The following AGPAT4 variants were observed in gnomAD, a reference collection of about 807,000 sequenced individuals.
AGPAT4 encodes the protein 1-acyl-sn-glycerol-3-phosphate acyltransferase delta.
Under a neutral mutation model 48.0 loss-of-function variants are expected in AGPAT4, and 15 were observed. The ratio of observed to expected loss-of-function variants is 0.31; its 90% CI spans 0.21 to 0.48. AGPAT4 has a LOEUF of 0.48. AGPAT4 is among the 20% of genes least tolerant of loss of function. The probability of loss-of-function intolerance (pLI) is 0.99; values close to 1 mark genes in which losing one functional copy is unlikely to be tolerated. For synonymous variants in AGPAT4, 178 were observed against 198.7 expected, an observed-to-expected ratio of 0.90 and a Z score of 0.88; for missense variants, 314 against 482.5, an observed-to-expected ratio of 0.65 and a Z score of 3.27.
At chr6:161,175,401 A>T (rs1226239298) in intron 2 of AGPAT4, among the ~76,000 whole-genome samples, 1 of 152,162 alleles carries the variant, frequency 6.6e-6, no homozygotes, top group Non-Finnish European at 1.5e-5. Flanking sequence ...CCAGGAATTC[A>T]TCCATTTCTT....
chr6:161,219,924 A>AGGCAGGCAGGC lies in AGPAT4; in HGVS notation c.178+12101_178+12111dup, dbSNP rs1781782694. Among the ~76,000 whole-genome samples, 1 of 121,608 alleles carries AGGCAGGCAGGC rather than the reference A, an allele frequency of 8.2e-6. No individual in the cohort carries two copies. The highest frequency in any genetic ancestry group is 2.3e-4 in the East Asian group (1 of 4,388). 79.8% of individuals were successfully genotyped at this position (121,608 alleles called of 152,430 possible). A position where few individuals can be genotyped will look rare whatever the true frequency, so the allele number is the denominator to read the frequency against. On this transcript the variant is annotated intron_variant, in intron 2 of 8. Coordinates refer to ENST00000320285, the MANE Select transcript of AGPAT4 (RefSeq NM_020133.3). This position sits in a 1 kb window ranked among gnomAD's most constrained non-coding sequence, Gnocchi z 4.9. ...GCAGGCAGGCAGGCAGGCGGCAGGCAGGCAGGCAGGCAGGCAGGCAGGCAG... is the reference window on the plus strand; with the variant it reads ...GCAGGCAGGCAGGCAGGCGGCAGGCAGGCAGGCAGGCGGCAGGCAGGCAGGCAGGCAGGCAG...
Position 161,274,046 on chromosome 6 carries a change from A to G in AGPAT4, c.-198T>C, listed in dbSNP as rs1423022617. 1 of 150,884 alleles carries G rather than the reference A, an allele frequency of 6.6e-6. No individual in the cohort carries two copies. The highest frequency in any genetic ancestry group is 1.5e-5 in the Non-Finnish European group (1 of 67,750). 9.3% of individuals were successfully genotyped at this position (150,884 alleles called of 1,614,324 possible). Reference sequence around the variant, plus strand: ...TTATAAGAGCTGTAAGTCAGCCAACACTGGAAAGAAAAAGCGAGACTCCAC... The same window carrying G: ...TTATAAGAGCTGTAAGTCAGCCAACGCTGGAAAGAAAAAGCGAGACTCCAC... On this transcript the variant is annotated 5_prime_UTR_variant, in exon 1 of 9. Transcript: ENST00000320285. This position sits in a 1 kb window ranked among gnomAD's most constrained non-coding sequence, Gnocchi z 4.5.
chr6:161,211,125 C>G (rs918604228), intron 2 of AGPAT4, among the ~76,000 whole-genome samples: 1 of 152,082 alleles, frequency 6.6e-6, no homozygotes, highest in Admixed American at 6.6e-5. Context: ...AACAGTGGTA[C>G]CATAACTTTA....
chr6:161,237,460 C>G (rs1055437462), intron 1 of AGPAT4, among the ~76,000 whole-genome samples: 2 of 152,086 alleles, frequency 1.3e-5, no homozygotes, highest in African/African-American at 4.8e-5. Flanking sequence ...CTGAGTCATT[C>G]GTATAAGGAT....
At chr6:161,258,606 T>C (rs1783006372) in intron 1 of AGPAT4, among the ~76,000 whole-genome samples, 2 of 152,088 alleles carry the variant, frequency 1.3e-5, no homozygotes, top group Admixed American at 1.3e-4. Context: ...AACTTCAGCT[T>C]TGGACTTCAC....
Position 161,238,635 on chromosome 6 carries a change from T to C in AGPAT4, c.-89-6333A>G, listed in dbSNP as rs1053304631. Among the ~76,000 whole-genome samples, 1 of 152,152 alleles carries C rather than the reference T, an allele frequency of 6.6e-6. No homozygotes were observed. Among genetic ancestry groups the C allele is most frequent in the Non-Finnish European group, 1.5e-5 (1 of 68,032 alleles). ...TTAACTATGTAATCTTCCCAAAGCG[T>C]GGGATGGAGATGAGGTGATAGGGTT... On this transcript the variant is annotated intron_variant, in intron 1 of 8. Transcript: ENST00000320285. The surrounding 1 kb of genome is among the most constrained non-coding windows in gnomAD (Gnocchi z 5.2).
At chr6:161,265,987 G>A (rs1783251169) in intron 1 of AGPAT4, among the ~76,000 whole-genome samples, 1 of 152,144 alleles carries the variant, frequency 6.6e-6, no homozygotes, top group African/African-American at 2.4e-5. Context: ...CTCAGAAATG[G>A]GTTTGCTTTG....
rs1406130890 is a variant in AGPAT4 at position 161,243,901 on chromosome 6, C to T, written c.-89-11599G>A. On this transcript the variant is annotated intron_variant, in intron 1 of 8. Transcript: ENST00000320285. This position sits in a 1 kb window ranked among gnomAD's most constrained non-coding sequence, Gnocchi z 4.8. ...TGACTCCTAAGATCCTCAAAGCCCA[C>T]TCACAAGTTTTAATGAAATGATTAT... Among the ~76,000 whole-genome samples the T allele has an allele frequency of 6.6e-6, 1 of 152,234 alleles. No individual in the cohort carries two copies. The highest frequency in any genetic ancestry group is 2.4e-5 in the African/African-American group (1 of 41,462).
intron 2 of AGPAT4, among the ~76,000 whole-genome samples, chr6:161,185,280 TG>T (rs1780735588): frequency 4.0e-5 from 6 of 148,454 alleles, no homozygotes; most frequent in African/African-American, 1.5e-4. Context: ...GTTTTTAAGA[TG>T]TCTTTTTTTT....
At chr6:161,182,797 A>G (rs1336961760) in intron 2 of AGPAT4, among the ~76,000 whole-genome samples, 1 of 152,186 alleles carries the variant, frequency 6.6e-6, no homozygotes, top group Non-Finnish European at 1.5e-5. Context: ...AACCCAGGAG[A>G]GGGACACTGG....
Position 161,246,547 on chromosome 6 carries a change from T to C in AGPAT4, c.-89-14245A>G, listed in dbSNP as rs750697977. ...GCCTCAGCCTCCCGAGTAGCTGGGA[T>C]TACAGGCATGCGCCACCACGCCCAG... On this transcript the variant is annotated intron_variant, in intron 1 of 8. Transcript: ENST00000320285. This position sits in a 1 kb window ranked among gnomAD's most constrained non-coding sequence, Gnocchi z 5.5. Among the ~76,000 whole-genome samples the C allele has an allele frequency of 1.9e-4, 29 of 152,058 alleles. No individual in the cohort carries two copies. The highest frequency in any genetic ancestry group is 3.1e-4 in the Non-Finnish European group (21 of 68,008).
rs1317836317 is a variant in AGPAT4 at position 161,215,226 on chromosome 6, C to T, written c.178+16810G>A. ...AACTTATGATCCTACTCTTCCATAA[C>T]TCATACACTGCATGTGTTGTAATCT... is the stretch of plus-strand genomic sequence containing the variant. On this transcript the variant is annotated intron_variant, in intron 2 of 8. Transcript: ENST00000320285. This position sits in a 1 kb window ranked among gnomAD's most constrained non-coding sequence, Gnocchi z 4.5. Among the ~76,000 whole-genome samples the T allele has an allele frequency of 6.6e-6, 1 of 152,158 alleles. No homozygotes were observed. The highest frequency in any genetic ancestry group is 1.5e-5 in the Non-Finnish European group (1 of 68,026).
At chr6:161,269,256 C>T (rs181160465) in intron 1 of AGPAT4, among the ~76,000 whole-genome samples, 6 of 152,216 alleles carry the variant, frequency 3.9e-5, no homozygotes, top group African/African-American at 1.2e-4. Flanking sequence ...GTGTCTCCTG[C>T]GTTAGAAATT....
At position 161,132,547 on chromosome 6, in the gene AGPAT4, C is replaced by G. The variant is rs1778934761; in HGVS notation, c.*3993G>C. 1 of 152,330 alleles carries G rather than the reference C, an allele frequency of 6.6e-6. No individual in the cohort carries two copies. The highest frequency in any genetic ancestry group is 1.5e-5 in the Non-Finnish European group (1 of 68,106). 9.4% of individuals were successfully genotyped at this position (152,330 alleles called of 1,614,324 possible). A position where few individuals can be genotyped will look rare whatever the true frequency, so the allele number is the denominator to read the frequency against. On this transcript the variant is annotated 3_prime_UTR_variant, in exon 9 of 9. Transcript: ENST00000320285. Reference sequence around the variant, plus strand: ...CTTCTCGGCTGAATGGCTGTTGGCTCTCAGCAGCACCTGTCAGCATAGCTC... The same window carrying G: ...CTTCTCGGCTGAATGGCTGTTGGCTGTCAGCAGCACCTGTCAGCATAGCTC...
intron 2 of AGPAT4, among the ~76,000 whole-genome samples, chr6:161,182,391 C>A (rs1780625543): frequency 6.8e-6 from 1 of 147,816 alleles, no homozygotes; most frequent in South Asian, 2.2e-4. Flanking sequence ...TATGCCCTCA[C>A]CCCAGCCCTG....
At position 161,254,547 on chromosome 6, in the gene AGPAT4, T is replaced by A. The variant is rs1399356164; in HGVS notation, c.-90+19391A>T. 6.6e-6 allele frequency among the ~76,000 whole-genome samples: 1 copy of A among 152,250 alleles called. No individual in the cohort carries two copies. The highest frequency in any genetic ancestry group is 6.5e-5 in the Admixed American group (1 of 15,288). On this transcript the variant is annotated intron_variant, in intron 1 of 8. Transcript: ENST00000320285. This position sits in a 1 kb window ranked among gnomAD's most constrained non-coding sequence, Gnocchi z 5.9. ...CCCTGGTGATCTTTTCTCACGGCCA[T>A]GTTCTTTATGTCCTTTCACTCCTCT...
Position 161,144,095 on chromosome 6 carries a change from T to C in AGPAT4, c.843+2429A>G, listed in dbSNP as rs762075377. The C allele has an allele frequency of 2.3e-5, 12 of 530,020 alleles. No homozygotes were observed. Among genetic ancestry groups the C allele is most frequent in the Non-Finnish European group, 4.7e-5 (12 of 257,884 alleles). 32.8% of individuals were successfully genotyped at this position (530,020 alleles called of 1,614,324 possible). On this transcript the variant is annotated intron_variant, in intron 7 of 8. Coordinates refer to ENST00000320285, the MANE Select transcript of AGPAT4 (RefSeq NM_020133.3). This position sits in a 1 kb window ranked among gnomAD's most constrained non-coding sequence, Gnocchi z 6.6. ...CTTTAGATCTAGGCTCCTAGCAAAA[T>C]AGGCTGATACAGAAAGGAATTGTCC...
At position 161,231,537 on chromosome 6, in the gene AGPAT4, G is replaced by A. The variant is rs894725298; in HGVS notation, c.178+499C>T. ...TGTACAGAATTTCTCAGTATTATTT[G>A]TTACAGCTTCATGTGAATCTATTAT... On this transcript the variant is annotated intron_variant, in intron 2 of 8. Transcript: ENST00000320285. This position sits in a 1 kb window ranked among gnomAD's most constrained non-coding sequence, Gnocchi z 5.3. Among the ~76,000 whole-genome samples, 13 of 152,016 alleles carry A rather than the reference G, an allele frequency of 8.6e-5. No individual in the cohort carries two copies. Among genetic ancestry groups the A allele is most frequent in the African/African-American group, 3.1e-4 (13 of 41,356 alleles).
chr6:161,268,486 G>A (rs765457709), intron 1 of AGPAT4, among the ~76,000 whole-genome samples: 2 of 152,144 alleles, frequency 1.3e-5, no homozygotes, highest in African/African-American at 2.4e-5. Context: ...AGGCCCTGGT[G>A]TGTGTTGTTC....
Sources: gnomAD v4.1 joint callset for allele counts (sites outside exome capture counted in the v4.1 genomes callset) on GRCh38, gnomAD v4.1.1 for gene constraint, Gnocchi (gnomAD v3.1) non-coding constraint, MANE v1.5 for transcripts, NCBI Gene and HGNC (gene_info 2026-07-23, HGNC 2026-07-21) for gene names.